HMBOX1: variants seen among roughly 807,000 people sequenced by gnomAD.
HMBOX1 encodes the protein homeobox-containing protein 1.
In HMBOX1, 14 loss-of-function variants were observed where a neutral mutation model predicts 54.5. The observed-to-expected ratio is 0.26, with a 90% CI of 0.17 to 0.40. The LOEUF (loss-of-function observed/expected upper bound fraction) is 0.40, where lower values mean the gene tolerates loss of function less well. HMBOX1 is among the 10% of genes least tolerant of loss of function. The pLI, the probability that HMBOX1 is intolerant of heterozygous loss-of-function variation, is 1.00. For synonymous variants in HMBOX1, 160 were observed against 181.0 expected (o/e 0.88, Z 0.93); for missense variants, 332 against 514.4 (o/e 0.65, Z 3.43).
At chr8:28,912,781 T>G (rs1815714295) in intron 1 of HMBOX1, among the ~76,000 whole-genome samples, 2 of 152,140 alleles carry the variant, frequency 1.3e-5, no homozygotes, top group African/African-American at 4.8e-5. Context: ...ATAGCCTCAT[T>G]TACCACTTAC....
At chr8:29,033,958 C>A (rs1001026272) in intron 6 of HMBOX1, among the ~76,000 whole-genome samples, 11 of 152,176 alleles carry the variant, frequency 7.2e-5, no homozygotes, top group Non-Finnish European at 1.5e-4. Context: ...TTCAAAAACT[C>A]AAGCAAATAT....
chr8:28,918,140 G>A (rs1426782836), intron 1 of HMBOX1, among the ~76,000 whole-genome samples: 1 of 152,176 alleles, frequency 6.6e-6, no homozygotes, highest in Non-Finnish European at 1.5e-5. Flanking sequence ...TTTCTTGGTT[G>A]TGATATTTTT....
At chr8:28,924,154 T>C (rs957951281) in intron 1 of HMBOX1, among the ~76,000 whole-genome samples, 12 of 151,516 alleles carry the variant, frequency 7.9e-5, no homozygotes, top group Admixed American at 2.0e-4. Context: ...TCGCCCAGGC[T>C]GGAGTGCAGT....
At chr8:28,936,275 A>G (rs1820389792) in intron 1 of HMBOX1, among the ~76,000 whole-genome samples, 1 of 151,778 alleles carries the variant, frequency 6.6e-6, no homozygotes. Context: ...TTTTTTTCTC[A>G]GAAGAACTGC....
chr8:28,939,810 G>A (rs1277810660), intron 1 of HMBOX1, among the ~76,000 whole-genome samples: 1 of 151,782 alleles, frequency 6.6e-6, no homozygotes, highest in Non-Finnish European at 1.5e-5. Flanking sequence ...GTGCCCGGCC[G>A]AGGAACTTGT....
chr8:28,934,847 A>T (rs1383958403), intron 1 of HMBOX1, among the ~76,000 whole-genome samples: 1 of 151,976 alleles, frequency 6.6e-6, no homozygotes, highest in African/African-American at 2.4e-5. Context: ...GAATGGCGTG[A>T]ACCCGGGAGG....
intron 3 of HMBOX1, among the ~76,000 whole-genome samples, chr8:28,973,803 GTTTTTTTTTTTTTTTTTT>G (rs71222583): frequency 5.5e-5 from 4 of 72,618 alleles, no homozygotes; most frequent in South Asian, 7.6e-4. Flanking sequence ...ACATAATGGA[GTTTTTTTTTTTTTTTTTT>G]TTTTTTTTTT....
At chr8:28,914,902 G>A (rs747593602) in intron 1 of HMBOX1, among the ~76,000 whole-genome samples, 1 of 152,138 alleles carries the variant, frequency 6.6e-6, no homozygotes, top group African/African-American at 2.4e-5. Context: ...AGGAAATTCC[G>A]CAGAACATAT....
Position 28,963,897 on chromosome 8 carries a change from A to G in HMBOX1, c.23+7A>G, listed in dbSNP as rs747235818. 6 of 1,598,348 alleles carry G rather than the reference A, an allele frequency of 3.8e-6. No individual in the cohort carries two copies. Among genetic ancestry groups the G allele is most frequent in the Non-Finnish European group, 8.6e-7 (1 of 1,169,322 alleles). ...TTAGTTCCTTTCCAGTGGTGTAAGTATCAAGTCCTTTTTGATTTTTATCTT... is the reference window on the plus strand; with the variant it reads ...TTAGTTCCTTTCCAGTGGTGTAAGTGTCAAGTCCTTTTTGATTTTTATCTT... On this transcript the variant is annotated splice_region_variant and intron_variant, in intron 2 of 9. Transcript: ENST00000287701.
chr8:28,890,318 G>A (rs563045945), upstream of HMBOX1: 4 of 172,074 alleles, frequency 2.3e-5, no homozygotes, highest in South Asian at 4.6e-4. Flanking sequence ...TAGGCGCCGG[G>A]CTCCGCAATT....
chr8:28,995,574 A>C (rs1831685248), intron 4 of HMBOX1, among the ~76,000 whole-genome samples: 1 of 152,160 alleles, frequency 6.6e-6, no homozygotes, highest in African/African-American at 2.4e-5. Context: ...GGAACTGCCA[A>C]AACTGTTTTC....
At chr8:29,023,505 T>C (rs1337579463) in intron 6 of HMBOX1, among the ~76,000 whole-genome samples, 2 of 152,026 alleles carry the variant, frequency 1.3e-5, no homozygotes, top group Non-Finnish European at 2.9e-5. Context: ...TGGGCTCAGG[T>C]CTTTCTCCCA....
chr8:29,036,720 C>T (rs6558089), intron 6 of HMBOX1, among the ~76,000 whole-genome samples: 54,138 of 151,886 alleles, frequency 0.36, 9,855 homozygotes, highest in South Asian at 0.44. Flanking sequence ...AGATGAAGTC[C>T]GAAACAATAC....
At chr8:28,972,088 T>C (rs1244472163) in intron 3 of HMBOX1, among the ~76,000 whole-genome samples, 1 of 152,242 alleles carries the variant, frequency 6.6e-6, no homozygotes, top group Non-Finnish European at 1.5e-5. Flanking sequence ...TGCAACTTTA[T>C]TATATGAAAT....
intron 2 of HMBOX1, among the ~76,000 whole-genome samples, chr8:28,965,051 A>C (rs1165657722): frequency 6.6e-6 from 1 of 152,218 alleles, no homozygotes; most frequent in Non-Finnish European, 1.5e-5. Context: ...CAGGAGAGTT[A>C]AGACGTCTAA....
At chr8:28,911,458 C>T (rs954644295) in intron 1 of HMBOX1, among the ~76,000 whole-genome samples, 15 of 152,180 alleles carry the variant, frequency 9.9e-5, no homozygotes, top group East Asian at 3.9e-4. Context: ...CGGGTTCAAG[C>T]GATTCTCCTG....
intron 1 of HMBOX1, among the ~76,000 whole-genome samples, chr8:28,948,484 T>C (rs752226538): frequency 1.2e-4 from 18 of 152,236 alleles, no homozygotes; most frequent in Non-Finnish European, 2.4e-4. Flanking sequence ...TGTTTTAAAA[T>C]TTTATTTTCT....
intron 2 of HMBOX1, among the ~76,000 whole-genome samples, chr8:28,969,060 C>A (rs969364462): frequency 1.4e-4 from 21 of 152,244 alleles, no homozygotes; most frequent in African/African-American, 5.1e-4. Context: ...GTAATCCCAG[C>A]TACTCAGGAG....
chr8:29,011,599 G>A (rs551928008), intron 5 of HMBOX1, among the ~76,000 whole-genome samples: 18 of 152,310 alleles, frequency 1.2e-4, no homozygotes, highest in Non-Finnish European at 2.2e-4. Context: ...GGACGACTAA[G>A]GTGCAGCTCT....
Sources: allele counts gnomAD v4.1 joint callset (sites outside exome capture counted in the v4.1 genomes callset), GRCh38; gene constraint gnomAD v4.1.1; transcripts MANE v1.5; gene names NCBI Gene and HGNC (gene_info 2026-07-23, HGNC 2026-07-21).